PACRG: variants seen among roughly 807,000 people sequenced by gnomAD.
PACRG encodes the protein parkin coregulated.
Under a neutral mutation model 29.7 loss-of-function variants are expected in PACRG, and 29 were observed. The observed-to-expected ratio is 0.98, with a 90% CI of 0.73 to 1.33. PACRG has a LOEUF of 1.33. Among genes scored for constraint, PACRG ranks in the 40% most tolerant of loss-of-function variants. PACRG has a pLI of 0.00. For synonymous variants in PACRG, 116 were observed against 118.7 expected, an observed-to-expected ratio of 0.98 and a Z score of 0.15; for missense variants, 279 against 316.2, an observed-to-expected ratio of 0.88 and a Z score of 0.89.
At chr6:162,798,877 G>A (rs181650715) in intron 1 of PACRG, among the ~76,000 whole-genome samples, 3 of 152,262 alleles carry the variant, frequency 2.0e-5, no homozygotes, top group East Asian at 1.9e-4. Flanking sequence ...TATATGGAAT[G>A]CCTATATAAA....
At chr6:162,897,887 G>A (rs1795282402) in intron 2 of PACRG, among the ~76,000 whole-genome samples, 1 of 152,174 alleles carries the variant, frequency 6.6e-6, no homozygotes, top group South Asian at 2.1e-4. Flanking sequence ...GGGAGGCAGG[G>A]CACTCAGGGC....
intron 2 of PACRG, among the ~76,000 whole-genome samples, chr6:162,921,032 G>C (rs1797027050): frequency 6.6e-6 from 1 of 152,098 alleles, no homozygotes; most frequent in Admixed American, 6.5e-5. Flanking sequence ...TTTCTACTCA[G>C]GGACTTTTGA....
chr6:163,089,720 G>A (rs181322181), intron 4 of PACRG, among the ~76,000 whole-genome samples: 2 of 152,200 alleles, frequency 1.3e-5, no homozygotes, highest in Non-Finnish European at 2.9e-5. Context: ...AGTAGGTTTT[G>A]AGTTTGTTCT....
intron 2 of PACRG, among the ~76,000 whole-genome samples, chr6:163,046,411 A>C (rs1487470925): frequency 6.7e-6 from 1 of 149,046 alleles, no homozygotes; most frequent in South Asian, 2.2e-4. Context: ...TCTTCAGAGA[A>C]TAGAAAGGGA....
At chr6:163,277,500 C>T (rs867811081) in intron 4 of PACRG, among the ~76,000 whole-genome samples, 6 of 73,154 alleles carry the variant, frequency 8.2e-5, no homozygotes, top group East Asian at 3.8e-4. Flanking sequence ...TATATACACA[C>T]ATACACACAC....
chr6:163,104,886 C>T (rs575524445), intron 4 of PACRG, among the ~76,000 whole-genome samples: 6 of 152,234 alleles, frequency 3.9e-5, no homozygotes, highest in Admixed American at 6.5e-5. Context: ...AAGTTAAACA[C>T]GGTTGTATAT....
chr6:162,801,053 G>A (rs1584399419), intron 1 of PACRG, among the ~76,000 whole-genome samples: 1 of 152,196 alleles, frequency 6.6e-6, no homozygotes, highest in African/African-American at 2.4e-5. Flanking sequence ...CGCTTACAAT[G>A]TGTGGTCAAG....
chr6:163,151,238 C>T (rs1039879109), intron 4 of PACRG, among the ~76,000 whole-genome samples: 6 of 152,102 alleles, frequency 3.9e-5, no homozygotes, highest in Non-Finnish European at 7.3e-5. Flanking sequence ...TTTGTTGGCC[C>T]GGATCTTGGT....
At chr6:163,171,311 A>G (rs976511725) in intron 4 of PACRG, among the ~76,000 whole-genome samples, 1 of 152,230 alleles carries the variant, frequency 6.6e-6, no homozygotes, top group South Asian at 2.1e-4. Context: ...CCAAGAGAGC[A>G]TCCCCACATT....
chr6:162,951,648 G>T (rs1031842419), intron 2 of PACRG, among the ~76,000 whole-genome samples: 2 of 152,210 alleles, frequency 1.3e-5, no homozygotes, highest in Non-Finnish European at 2.9e-5. Context: ...GAGCACCTCA[G>T]TTGGCCATGC....
chr6:162,998,240 C>G (rs1804260257), intron 2 of PACRG, among the ~76,000 whole-genome samples: 1 of 152,146 alleles, frequency 6.6e-6, no homozygotes, highest in Admixed American at 6.5e-5. Context: ...CTCTAGGAGT[C>G]CTAGCTTTAA....
intron 1 of PACRG, among the ~76,000 whole-genome samples, chr6:162,767,488 A>G (rs532799095): frequency 1.0e-4 from 15 of 148,568 alleles, no homozygotes; most frequent in Non-Finnish European, 1.9e-4. Flanking sequence ...CTTGGAATAT[A>G]TTTTTCATCT....
intron 4 of PACRG, among the ~76,000 whole-genome samples, chr6:163,134,806 C>T (rs1036295308): frequency 6.6e-5 from 10 of 152,154 alleles, no homozygotes; most frequent in Non-Finnish European, 7.3e-5. Flanking sequence ...AACATTGAGA[C>T]TGATCTATGA....
At chr6:162,763,056 A>G (rs1782499627) in intron 1 of PACRG, among the ~76,000 whole-genome samples, 1 of 152,174 alleles carries the variant, frequency 6.6e-6, no homozygotes, top group Non-Finnish European at 1.5e-5. Flanking sequence ...GTGTTTTTCT[A>G]AATTTTAGGA....
intron 4 of PACRG, among the ~76,000 whole-genome samples, chr6:163,125,158 GATT>G (rs769856088): frequency 3.3e-5 from 5 of 152,150 alleles, no homozygotes; most frequent in Non-Finnish European, 7.4e-5. Context: ...GGAAAGACTA[GATT>G]ATTTATTAAA....
intron 4 of PACRG, among the ~76,000 whole-genome samples, chr6:163,265,211 C>T (rs757861825): frequency 1.8e-4 from 28 of 152,136 alleles, no homozygotes; most frequent in Non-Finnish European, 3.5e-4. Flanking sequence ...ATAGGGATTC[C>T]GACCCTGATA....
chr6:162,809,154 G>A (rs953830232), intron 1 of PACRG, among the ~76,000 whole-genome samples: 1 of 151,962 alleles, frequency 6.6e-6, no homozygotes, highest in African/African-American at 2.4e-5. Context: ...TATTATTTCA[G>A]CAGTAGTGAC....
chr6:163,114,668 A>G (rs1815886409), intron 4 of PACRG, among the ~76,000 whole-genome samples: 1 of 152,178 alleles, frequency 6.6e-6, no homozygotes, highest in Admixed American at 6.5e-5. Flanking sequence ...TTAAAGAAGC[A>G]GAGAATGGAA....
chr6:162,996,621 A>G (rs1216984486), intron 2 of PACRG, among the ~76,000 whole-genome samples: 1 of 152,170 alleles, frequency 6.6e-6, no homozygotes, highest in Non-Finnish European at 1.5e-5. Context: ...TATTAACAAA[A>G]TGAAGTACTC....
Sources: gnomAD v4.1 joint callset for allele counts (sites outside exome capture counted in the v4.1 genomes callset) on GRCh38, gnomAD v4.1.1 for gene constraint, MANE v1.5 for transcripts, NCBI Gene and HGNC (gene_info 2026-07-23, HGNC 2026-07-21) for gene names.